The following DEAF1 variants were observed in gnomAD, a reference collection of about 807,000 sequenced individuals.
DEAF1 encodes DEAF1 transcription factor.
A neutral mutation model predicts 58.9 loss-of-function variants in DEAF1; 53 were observed. The observed-to-expected ratio is 0.90, with a 90% CI of 0.72 to 1.13. DEAF1 has a LOEUF of 1.13. Among genes scored for constraint, DEAF1 ranks in the 50% most tolerant of loss-of-function variants. The pLI, the probability that DEAF1 is intolerant of heterozygous loss-of-function variation, is 0.00. For synonymous variants in DEAF1, 385 were observed against 340.4 expected (o/e 1.13, Z -1.44); for missense variants, 685 against 791.4 (o/e 0.87, Z 1.61).
At chr11:653,941 C>G (rs1371791229) in intron 11 of DEAF1, 21 bp downstream of exon 11, 2 of 1,611,758 alleles carry the variant, frequency 1.2e-6, no homozygotes, top group Non-Finnish European at 1.7e-6. Context: ...GGGCACTGAG[C>G]CTGGTGTAGG....
At chr11:679,880 G>A in intron 7 of DEAF1, 64 bp from the exon 8 acceptor site, 1 of 1,602,446 alleles carries the variant, frequency 6.2e-7, no homozygotes, top group Non-Finnish European at 8.5e-7. Context: ...CAGGTCCCGT[G>A]CCACCCACGG....
chr11:691,653 G>GA, intron 1 of DEAF1, 55 bp from the exon 2 acceptor site: 2 of 1,514,182 alleles, frequency 1.3e-6, no homozygotes, highest in Non-Finnish European at 1.8e-6. Context: ...TGGACAAAGC[G>GA]AACAGCCTCG....
chr11:698,934 T>C (rs1241893047), upstream of DEAF1: 5 of 1,612,970 alleles, frequency 3.1e-6, no homozygotes, highest in East Asian at 4.5e-5. Flanking sequence ...GAGGCCCGAA[T>C]TGCTGCTGCA....
At position 674,629 on chromosome 11, in the gene DEAF1, C is replaced by A. The variant is rs1210042091; in HGVS notation, c.1410G>T (p.Leu470=). 1 of 1,614,172 alleles carries A rather than the reference C, an allele frequency of 6.2e-7. No individual in the cohort carries two copies. The highest frequency in any genetic ancestry group is 1.1e-5 in the South Asian group (1 of 91,078). ...GCTTGGCTTGCTCAAACAGCGTCTT[C>A]AGCTGCTGCGCTGTGTTGAGCAAGG... ...VNSLLNTAQQ[L]KTLFEQAKHA... The change falls in exon 10 of 12, where the codon CTG becomes CTT. Residue 470 remains leucine, a synonymous_variant. Transcript: ENST00000382409.
intron 6 of DEAF1, among the ~76,000 whole-genome samples, chr11:682,819 A>T (rs1225756254): frequency 6.6e-6 from 1 of 152,158 alleles, no homozygotes; most frequent in Non-Finnish European, 1.5e-5. Flanking sequence ...TTTCAGTCAC[A>T]CTTCCCAGGA....
In DEAF1 at chr11:691,660, C is replaced by T. The variant is rs1409924049; in HGVS notation, c.290-62G>A. 15 of 1,478,792 alleles carry T rather than the reference C, an allele frequency of 1.0e-5. No homozygotes were observed. In the Admixed American group the frequency reaches 2.7e-4, roughly 27 times the overall value. The allele number at this position is 1,478,792 out of a possible 1,614,324, so 91.6% of individuals were successfully genotyped here. ...AGCCAGAATGGACAAAGCGAACAGC[C>T]TCGCTCAGGTGCTTCAAACAAAGTG... is the stretch of plus-strand genomic sequence containing the variant. On this transcript the variant is annotated intron_variant, in intron 1 of 11. Transcript: ENST00000382409.
At chr11:654,512 T>TAA in intron 10 of DEAF1, 3 of 455,200 alleles carry the variant, frequency 6.6e-6, no homozygotes, top group Admixed American at 2.4e-5. Context: ...GCTCAGAACG[T>TAA]TCTTGTCACC....
intron 10 of DEAF1, among the ~76,000 whole-genome samples, chr11:667,834 C>T (rs571492240): frequency 4.0e-5 from 6 of 148,634 alleles, no homozygotes; most frequent in Non-Finnish European, 7.4e-5. Flanking sequence ...ATAAATAGGC[C>T]GGCGTGTTAG....
chr11:690,376 G>C (rs1463387265), intron 2 of DEAF1, among the ~76,000 whole-genome samples: 1 of 115,460 alleles, frequency 8.7e-6, no homozygotes, highest in African/African-American at 3.2e-5. Context: ...GAGGGCAGGG[G>C]AGGGGGTTTC....
chr11:693,965 C>T (rs1004665946), intron 1 of DEAF1, among the ~76,000 whole-genome samples: 3 of 151,954 alleles, frequency 2.0e-5, no homozygotes, highest in Non-Finnish European at 4.4e-5. Flanking sequence ...GGCTCCGCAG[C>T]CCCCCTGGGC....
In DEAF1 at chr11:694,979, G is replaced by T; in HGVS notation, c.69C>A (p.Ala23=). The T allele has an allele frequency of 9.3e-7, 1 of 1,075,610 alleles. No individual in the cohort carries two copies. The highest frequency in any genetic ancestry group is 1.1e-6 in the Non-Finnish European group (1 of 882,170). The allele number at this position is 1,075,610 out of a possible 1,614,324, so 66.6% of individuals were successfully genotyped here. A position where few individuals can be genotyped will look rare whatever the true frequency, so the allele number is the denominator to read the frequency against. ...CGGCCGCGGCCGCCGCCGCCACAGC[G>T]GCCGCGGCCGCCACCGCCGCCGCCT... ...LAEAAAVAAA[A]AVAAAAAAAA... Residue 23 remains alanine (A), a synonymous_variant, in exon 1 of 12, where the codon GCC becomes GCA. Coordinates refer to ENST00000382409, the MANE Select transcript of DEAF1 (RefSeq NM_021008.4).
chr11:696,071 C>T (rs1017302293), upstream of DEAF1, among the ~76,000 whole-genome samples: 3 of 152,112 alleles, frequency 2.0e-5, no homozygotes, highest in East Asian at 1.9e-4. Context: ...CGCCTGGCCC[C>T]GGGCAGGGTG....
upstream of DEAF1, chr11:695,857 G>T (rs1263532430): frequency 1.1e-5 from 13 of 1,228,856 alleles, no homozygotes; most frequent in Middle Eastern, 6.2e-4. Context: ...GTGAGCTCGG[G>T]CGGGGTGGGG....
Position 653,595 on chromosome 11 carries a change from G to C in DEAF1, c.1593+367C>G, listed in dbSNP as rs537897148. ...GGGGTGTGGAGGGCTGAATAATAGAGGAACTGTGGACAGTCTCTCTCACGT... is the reference window on the plus strand; with the variant it reads ...GGGGTGTGGAGGGCTGAATAATAGACGAACTGTGGACAGTCTCTCTCACGT... On this transcript the variant is annotated intron_variant, in intron 11 of 11. Transcript: ENST00000382409. 2.8e-3 allele frequency among the ~76,000 whole-genome samples: 394 copies of C among 142,822 alleles called. 2 individuals carry two copies. Among genetic ancestry groups the C allele is most frequent in the African/African-American group, 9.9e-3 (381 of 38,378 alleles). 93.7% of individuals were successfully genotyped at this position (142,822 alleles called of 152,430 possible).
chr11:693,940 G>C (rs562347503), intron 1 of DEAF1, among the ~76,000 whole-genome samples: 1 of 152,264 alleles, frequency 6.6e-6, no homozygotes, highest in South Asian at 2.1e-4. Context: ...GACTGGGAGG[G>C]GAGCCTGCAC....
intron 6 of DEAF1, among the ~76,000 whole-genome samples, chr11:682,915 C>T (rs1473648137): frequency 2.6e-5 from 4 of 152,128 alleles, no homozygotes; most frequent in East Asian, 3.8e-4. Flanking sequence ...TGACCGGGAA[C>T]TGCAAGGAGT....
chr11:656,158 C>CTCTTT lies in DEAF1; in HGVS notation c.1504-2108_1504-2107insAAAGA, dbSNP rs372871736. ...CTGTGCCTCTACTTTAAATGACAAA[C>CTCTTT]TTTTTTTTTTTTTTTGAGATGGAGT... On this transcript the variant is annotated intron_variant, in intron 10 of 11. Coordinates refer to ENST00000382409, the MANE Select transcript of DEAF1 (RefSeq NM_021008.4). Among the ~76,000 whole-genome samples, 334 of 124,302 alleles carry CTCTTT rather than the reference C, an allele frequency of 2.7e-3. 9 individuals carry two copies. Among genetic ancestry groups the CTCTTT allele is most frequent in the African/African-American group, 7.6e-3 (275 of 36,234 alleles). 81.5% of individuals were successfully genotyped at this position (124,302 alleles called of 152,430 possible). A position where few individuals can be genotyped will look rare whatever the true frequency, so the allele number is the denominator to read the frequency against.
Position 674,682 on chromosome 11 carries a change from A to C in DEAF1, c.1357T>G (p.Trp453Gly), listed in dbSNP as rs752294703. 6.2e-7 allele frequency: 1 copy of C among 1,614,034 alleles called. No homozygotes were observed. Among genetic ancestry groups the C allele is most frequent in the Non-Finnish European group, 8.5e-7 (1 of 1,180,024 alleles). The part of the protein sequence containing the change: ...NGLELSEPRS[W>G]LYLEEMVNSL... ...TTGACCATCTCTTCTAGGTACAGCC[A>C]GCTCCGCGGCTCTGACAGCTCCAGC... The change falls in exon 10 of 12, where the codon TGG becomes GGG. Residue 453 changes from tryptophan to glycine, a missense_variant. Trp to Gly is a radical substitution (Grantham distance 184). Coordinates refer to ENST00000382409, the MANE Select transcript of DEAF1 (RefSeq NM_021008.4).
chr11:691,449 G>T (rs1860830886), intron 2 of DEAF1, 52 bp downstream of exon 2: 2 of 1,543,624 alleles, frequency 1.3e-6, no homozygotes, highest in Non-Finnish European at 1.8e-6. Context: ...GAAGCCGGAG[G>T]CCCCCAGCGT....
Sources: gnomAD v4.1 joint callset for allele counts (sites outside exome capture counted in the v4.1 genomes callset) on GRCh38, gnomAD v4.1.1 for gene constraint, MANE v1.5 for transcripts, NCBI Gene and HGNC (gene_info 2026-07-23, HGNC 2026-07-21) for gene names.